Variants in FMN2 observed in about 807,000 individuals in gnomAD.
The protein encoded by FMN2 is formin-2.
FMN2 carries 51 observed loss-of-function variants against 142.3 expected under a neutral mutation model. That is an observed-to-expected ratio of 0.36 (90% CI 0.29 to 0.45). FMN2 has a LOEUF of 0.45. Among genes scored for constraint, FMN2 ranks in the 20% least tolerant of loss-of-function variants. FMN2 has a pLI of 1.00. For synonymous variants in FMN2, 882 were observed against 869.8 expected, an observed-to-expected ratio of 1.01 and a Z score of -0.25; for missense variants, 1,936 against 2,122.8, an observed-to-expected ratio of 0.91 and a Z score of 1.73.
chr1:240,098,097 A>ATTTTTTTTT lies in FMN2; in HGVS notation c.1615+4386_1615+4394dup, dbSNP rs35191164. On this transcript the variant is annotated intron_variant, in intron 1 of 17. Coordinates refer to ENST00000319653, the MANE Select transcript of FMN2 (RefSeq NM_020066.5). ...TTGGCCTTTCTAAAGGTTATCTTGA[A>ATTTTTTTTT]TTTTTTTTTTTTTTTTTTTTTGGAG... Among the ~76,000 whole-genome samples the ATTTTTTTTT allele has an allele frequency of 1.7e-3, 165 of 98,632 alleles. 7 individuals carry two copies. Among genetic ancestry groups the ATTTTTTTTT allele is most frequent in the African/African-American group, 3.5e-3 (76 of 21,838 alleles). The allele number at this position is 98,632 out of a possible 152,430, so 64.7% of individuals were successfully genotyped here.
intron 1 of FMN2, among the ~76,000 whole-genome samples, chr1:240,097,825 A>G (rs1413834565): frequency 1.3e-5 from 2 of 152,170 alleles, no homozygotes; most frequent in African/African-American, 4.8e-5. Flanking sequence ...GTAATCCTTA[A>G]CAACAGTCTT....
chr1:240,413,604 A>G (rs1336450313), intron 15 of FMN2, among the ~76,000 whole-genome samples: 1 of 152,174 alleles, frequency 6.6e-6, no homozygotes, highest in Non-Finnish European at 1.5e-5. Context: ...GAGTACACAC[A>G]GTTAAAGAAA....
At chr1:240,250,934 C>T (rs567852604) in intron 6 of FMN2, among the ~76,000 whole-genome samples, 4 of 146,824 alleles carry the variant, frequency 2.7e-5, no homozygotes, top group Non-Finnish European at 6.0e-5. Flanking sequence ...GTTGTAATGT[C>T]TCATTTTTAA....
At chr1:240,395,101 G>A (rs1486511968) in intron 15 of FMN2, among the ~76,000 whole-genome samples, 1 of 152,130 alleles carries the variant, frequency 6.6e-6, no homozygotes, top group East Asian at 1.9e-4. Flanking sequence ...AAATGCTAGG[G>A]CCCATAGGAA....
chr1:240,171,435 G>A (rs1664698476), intron 2 of FMN2: 1 of 454,114 alleles, frequency 2.2e-6, no homozygotes, highest in Non-Finnish European at 4.1e-6. Flanking sequence ...CTGTAATCAA[G>A]GCAAGGATAA....
At chr1:240,205,191 C>G in intron 4 of FMN2, among the ~76,000 whole-genome samples, 1 of 152,056 alleles carries the variant, frequency 6.6e-6, no homozygotes, top group African/African-American at 2.4e-5. Context: ...TGTAGTGTTG[C>G]AGGAAACCCT....
intron 1 of FMN2, among the ~76,000 whole-genome samples, chr1:240,110,427 A>ATAG (rs1661767553): frequency 6.6e-6 from 1 of 152,208 alleles, no homozygotes; most frequent in African/African-American, 2.4e-5. Flanking sequence ...TTTACTTTTT[A>ATAG]TAGTGTCAAT....
intron 7 of FMN2, among the ~76,000 whole-genome samples, chr1:240,270,371 G>T (rs139799693): frequency 2.4e-4 from 37 of 152,200 alleles, no homozygotes; most frequent in African/African-American, 8.4e-4. Context: ...ACATCATCCA[G>T]CAATTTCACT....
chr1:240,104,521 G>T (rs1255078825), intron 1 of FMN2, among the ~76,000 whole-genome samples: 1 of 152,030 alleles, frequency 6.6e-6, no homozygotes, highest in Non-Finnish European at 1.5e-5. Flanking sequence ...TTCCCATTCC[G>T]AAGCCTCTAG....
chr1:240,288,926 G>A (rs1024324237), intron 7 of FMN2, among the ~76,000 whole-genome samples: 7 of 152,124 alleles, frequency 4.6e-5, no homozygotes, highest in South Asian at 2.1e-4. Flanking sequence ...AGATGAGACC[G>A]TAGCCCCCGC....
chr1:240,386,838 AAAGGTAAT>A (rs1332987632), intron 14 of FMN2, among the ~76,000 whole-genome samples: 12 of 152,228 alleles, frequency 7.9e-5, no homozygotes, highest in African/African-American at 2.9e-4. Flanking sequence ...ATCAGACCTA[AAAGGTAAT>A]CTTATGCCCT....
chr1:240,323,167 CTT>C (rs1462454893), intron 8 of FMN2, among the ~76,000 whole-genome samples: 10 of 146,672 alleles, frequency 6.8e-5, no homozygotes, highest in African/African-American at 2.3e-4. Flanking sequence ...CTCTTTCTCT[CTT>C]TCTCTCTCTT....
intron 16 of FMN2, among the ~76,000 whole-genome samples, chr1:240,448,538 A>AG (rs1675901510): frequency 6.6e-6 from 1 of 152,168 alleles, no homozygotes; most frequent in African/African-American, 2.4e-5. Flanking sequence ...GAATTTGGTC[A>AG]GGTGCTGTGG....
At chr1:240,439,433 C>T in intron 16 of FMN2, among the ~76,000 whole-genome samples, 1 of 152,094 alleles carries the variant, frequency 6.6e-6, no homozygotes, top group Admixed American at 6.5e-5. Flanking sequence ...TTTGATACCT[C>T]CTTAAATTAG....
Position 240,092,078 on chromosome 1 carries a change from G to T in FMN2, c.-32G>T. The T allele has an allele frequency of 6.5e-7, 1 of 1,529,422 alleles. No homozygotes were observed. Among genetic ancestry groups the T allele is most frequent in the Non-Finnish European group, 8.8e-7 (1 of 1,139,868 alleles). 94.7% of individuals were successfully genotyped at this position (1,529,422 alleles called of 1,614,324 possible). Reference sequence around the variant, plus strand: ...GAGGGCCGGGATGGCCTGAGTGCCCGCGGCGCGGCGGCGCAGCAGCGGGAT... The same window carrying T: ...GAGGGCCGGGATGGCCTGAGTGCCCTCGGCGCGGCGGCGCAGCAGCGGGAT... On this transcript the variant is annotated 5_prime_UTR_variant, in exon 1 of 18. Coordinates refer to ENST00000319653, the MANE Select transcript of FMN2 (RefSeq NM_020066.5).
At chr1:240,318,438 G>A (rs979616018) in intron 8 of FMN2, among the ~76,000 whole-genome samples, 1 of 151,646 alleles carries the variant, frequency 6.6e-6, no homozygotes, top group African/African-American at 2.4e-5. Context: ...TGTATCTGCT[G>A]GTGGTTCCAG....
At chr1:240,150,782 A>C (rs1038755560) in intron 2 of FMN2, among the ~76,000 whole-genome samples, 2 of 152,174 alleles carry the variant, frequency 1.3e-5, no homozygotes, top group Non-Finnish European at 2.9e-5. Context: ...GGCCATAATA[A>C]TTAGTAGAGA....
chr1:240,114,786 C>G (rs1399197930), intron 1 of FMN2, among the ~76,000 whole-genome samples: 4 of 151,544 alleles, frequency 2.6e-5, no homozygotes, highest in Admixed American at 2.6e-4. Context: ...ACTTCCAGAG[C>G]AGCTGGAACT....
chr1:240,400,325 A>T (rs1673933017), intron 15 of FMN2, among the ~76,000 whole-genome samples: 1 of 152,196 alleles, frequency 6.6e-6, no homozygotes, highest in Non-Finnish European at 1.5e-5. Flanking sequence ...GCAGCAGGGA[A>T]CTCAGCGCAA....
Sources: gnomAD v4.1 joint callset for allele counts (sites outside exome capture counted in the v4.1 genomes callset) on GRCh38, gnomAD v4.1.1 for gene constraint, MANE v1.5 for transcripts, NCBI Gene and HGNC (gene_info 2026-07-23, HGNC 2026-07-21) for gene names.